The following PPP6R3 variants were observed in gnomAD, a reference collection of about 807,000 sequenced individuals.
The protein encoded by PPP6R3 is serine/threonine-protein phosphatase 6 regulatory subunit 3.
In PPP6R3, 38 loss-of-function variants were observed where a neutral mutation model predicts 110.7. The ratio of observed to expected loss-of-function variants is 0.34; its 90% CI spans 0.26 to 0.45. The LOEUF (loss-of-function observed/expected upper bound fraction) is 0.45, where lower values mean the gene tolerates loss of function less well. Ranked by LOEUF, PPP6R3 falls within the 20% of genes least tolerant of loss-of-function variation. The pLI, the probability that PPP6R3 is intolerant of heterozygous loss-of-function variation, is 1.00. For missense variants in PPP6R3, 870 were observed against 1,062.4 expected, an observed-to-expected ratio of 0.82 and a Z score of 2.52; for synonymous variants, 369 against 373.5, an observed-to-expected ratio of 0.99 and a Z score of 0.14.
chr11:68,608,551 A>G (rs1039617052), intron 22 of PPP6R3, among the ~76,000 whole-genome samples: 1 of 152,188 alleles, frequency 6.6e-6, no homozygotes, highest in African/African-American at 2.4e-5. Flanking sequence ...CTGGGTGTCA[A>G]GTACTGAGAA....
intron 1 of PPP6R3, among the ~76,000 whole-genome samples, chr11:68,491,856 A>G (rs746109582): frequency 3.3e-5 from 5 of 152,064 alleles, no homozygotes; most frequent in Admixed American, 6.6e-5. Flanking sequence ...AACACTAACG[A>G]TAGCTGATGA....
chr11:68,465,861 A>G (rs1459873698), intron 1 of PPP6R3, among the ~76,000 whole-genome samples: 2 of 152,250 alleles, frequency 1.3e-5, no homozygotes, highest in Non-Finnish European at 2.9e-5. Flanking sequence ...TTGCAAAAGA[A>G]TAAGATAGTT....
intron 1 of PPP6R3, among the ~76,000 whole-genome samples, chr11:68,474,321 C>T (rs1294799180): frequency 6.6e-6 from 1 of 152,220 alleles, no homozygotes; most frequent in African/African-American, 2.4e-5. Flanking sequence ...GTTGGGATTA[C>T]AGGCATGTGC....
intron 8 of PPP6R3, among the ~76,000 whole-genome samples, chr11:68,563,041 C>T (rs1216400497): frequency 2.0e-5 from 3 of 151,136 alleles, no homozygotes; most frequent in Non-Finnish European, 4.4e-5. Flanking sequence ...GATATGGTGG[C>T]TCATGCCTAG....
At chr11:68,553,951 A>G (rs1593037558) in intron 6 of PPP6R3, among the ~76,000 whole-genome samples, 194 bp from the exon 7 acceptor site, 1 of 152,322 alleles carries the variant, frequency 6.6e-6, no homozygotes, top group South Asian at 2.1e-4. Context: ...TGTACTGTGC[A>G]CTATTATAAA....
intron 1 of PPP6R3, among the ~76,000 whole-genome samples, chr11:68,474,902 C>CTTTTTTTTA (rs1394316829): frequency 6.6e-6 from 1 of 151,676 alleles, no homozygotes; most frequent in Non-Finnish European, 1.5e-5. Context: ...ATTTAACTTC[C>CTTTTTTTTA]TTTTTTTTAT....
intron 11 of PPP6R3, among the ~76,000 whole-genome samples, 193 bp from the exon 12 acceptor site, chr11:68,570,847 G>A (rs977986302): frequency 6.6e-6 from 1 of 152,182 alleles, no homozygotes; most frequent in Non-Finnish European, 1.5e-5. Flanking sequence ...TGTGGAGGGT[G>A]TGGATCCTGA....
At chr11:68,540,856 G>A (rs11228277) in intron 3 of PPP6R3, among the ~76,000 whole-genome samples, 48,382 of 152,090 alleles carry the variant, frequency 0.32, 8,739 homozygotes, top group African/African-American at 0.49. Flanking sequence ...AAGGTTATCT[G>A]TCTTGTTCCC....
chr11:68,553,288 T>A (rs1018153221), intron 6 of PPP6R3, among the ~76,000 whole-genome samples: 2 of 151,114 alleles, frequency 1.3e-5, no homozygotes, highest in Non-Finnish European at 3.0e-5. Context: ...CTGTATTTGC[T>A]TTTACTTTTT....
intron 1 of PPP6R3, among the ~76,000 whole-genome samples, chr11:68,485,759 A>T (rs1359239230): frequency 6.6e-6 from 1 of 152,142 alleles, no homozygotes; most frequent in East Asian, 1.9e-4. Flanking sequence ...CAGTGGGATG[A>T]TCTTGGCTCA....
chr11:68,576,428 T>C (rs1279191913), intron 14 of PPP6R3, among the ~76,000 whole-genome samples: 1 of 152,224 alleles, frequency 6.6e-6, no homozygotes, highest in Non-Finnish European at 1.5e-5. Flanking sequence ...CAGTTGGATA[T>C]TTTTCTGATA....
At chr11:68,491,914 A>T (rs2098986812) in intron 1 of PPP6R3, among the ~76,000 whole-genome samples, 1 of 152,110 alleles carries the variant, frequency 6.6e-6, no homozygotes, top group Non-Finnish European at 1.5e-5. Flanking sequence ...AATAAAGTTT[A>T]TGAATTTGTG....
intron 18 of PPP6R3, among the ~76,000 whole-genome samples, chr11:68,593,416 A>C (rs1014013479): frequency 1.3e-5 from 2 of 152,128 alleles, no homozygotes; most frequent in Non-Finnish European, 2.9e-5. Flanking sequence ...GATACACTAC[A>C]GTTTGTTTAT....
At chr11:68,514,317 A>G (rs910793604) in intron 1 of PPP6R3, among the ~76,000 whole-genome samples, 1 of 151,988 alleles carries the variant, frequency 6.6e-6, no homozygotes, top group African/African-American at 2.4e-5. Flanking sequence ...TCCACCCGTC[A>G]GAGCCTCCCA....
chr11:68,474,777 C>T (rs576212930), intron 1 of PPP6R3, among the ~76,000 whole-genome samples: 33 of 152,166 alleles, frequency 2.2e-4, no homozygotes, highest in African/African-American at 7.7e-4. Context: ...TCCTGAGTCA[C>T]ATTTGGTAGT....
chr11:68,578,965 T>A (rs905698280), intron 14 of PPP6R3, among the ~76,000 whole-genome samples: 1 of 152,218 alleles, frequency 6.6e-6, no homozygotes, highest in African/African-American at 2.4e-5. Context: ...AGGACATGTT[T>A]TTGTACTGAC....
At chr11:68,606,141 A>G (rs1939621870) in intron 22 of PPP6R3, among the ~76,000 whole-genome samples, 1 of 152,232 alleles carries the variant, frequency 6.6e-6, no homozygotes, top group African/African-American at 2.4e-5. Flanking sequence ...GCTCAAAGTC[A>G]GAGAAATCTG....
chr11:68,550,454 A>G (rs1036444139), intron 5 of PPP6R3, among the ~76,000 whole-genome samples: 5 of 152,134 alleles, frequency 3.3e-5, no homozygotes, highest in South Asian at 2.1e-4. Context: ...TTCTTATGGC[A>G]TTAATGTTAA....
chr11:68,574,127 GCATGGTTA>G lies in PPP6R3; in HGVS notation c.1368_1375del (p.Tyr457ThrfsTer7). 6.2e-7 allele frequency: 1 copy of G among 1,613,854 alleles called. No individual in the cohort carries two copies. Among genetic ancestry groups the G allele is most frequent in the Non-Finnish European group, 8.5e-7 (1 of 1,179,762 alleles). On this transcript the variant is annotated frameshift_variant, in exon 13 of 24. Coordinates refer to ENST00000393800, the MANE Select transcript of PPP6R3 (RefSeq NM_001164161.2). LOFTEE classifies it high-confidence loss of function. ...TTGTCAGGGCTGAGGGAGGAAGACG[GCATGGTTA>G]CATGGGACACCTAACGAGGATAGCT...
Sources: allele counts gnomAD v4.1 joint callset (sites outside exome capture counted in the v4.1 genomes callset), GRCh38; gene constraint gnomAD v4.1.1; transcripts MANE v1.5; gene names NCBI Gene and HGNC (gene_info 2026-07-23, HGNC 2026-07-21).